SYNRG: variants seen among roughly 807,000 people sequenced by gnomAD.
SYNRG encodes AP1 gamma subunit binding protein 1.
SYNRG carries 37 observed loss-of-function variants against 130.9 expected under a neutral mutation model. That is an observed-to-expected ratio of 0.28 (90% CI 0.22 to 0.37). SYNRG has a LOEUF of 0.37. Among genes scored for constraint, SYNRG ranks in the 10% least tolerant of loss-of-function variants. The pLI is 1.00. For synonymous variants in SYNRG, 539 were observed against 568.1 expected, an observed-to-expected ratio of 0.95 and a Z score of 0.73; for missense variants, 1,338 against 1,588.9, an observed-to-expected ratio of 0.84 and a Z score of 2.68.
intron 7 of SYNRG, among the ~76,000 whole-genome samples, chr17:37,577,144 C>T (rs778861267): frequency 6.6e-6 from 1 of 151,982 alleles, no homozygotes; most frequent in African/African-American, 2.4e-5. Flanking sequence ...AGAAATGATT[C>T]CAATTAAGAA....
At chr17:37,560,490 C>T (rs1400694942) in intron 13 of SYNRG, among the ~76,000 whole-genome samples, 3 of 151,440 alleles carry the variant, frequency 2.0e-5, no homozygotes, top group East Asian at 1.9e-4. Context: ...GCATGTGCTA[C>T]CATGCCTGGC....
In SYNRG at chr17:37,569,512, G is replaced by A. The variant is rs934775540; in HGVS notation, c.1348-588C>T. ...CCATCTTTAAAAGATATATCTAGCC[G>A]GGTGTGGTGGCGGGCACCTGTAATC... On this transcript the variant is annotated intron_variant, in intron 10 of 21. Coordinates refer to ENST00000612223, the MANE Select transcript of SYNRG (RefSeq NM_007247.6). 7.3e-5 allele frequency among the ~76,000 whole-genome samples: 11 copies of A among 151,286 alleles called. No individual in the cohort carries two copies. In the East Asian group the frequency reaches 1.5e-3, roughly 21 times the overall value.
chr17:37,574,266 T>C (rs1344112846), intron 8 of SYNRG, among the ~76,000 whole-genome samples: 1 of 152,072 alleles, frequency 6.6e-6, no homozygotes, highest in East Asian at 1.9e-4. Context: ...GGAAATGAAT[T>C]AAAGATTTAA....
intron 14 of SYNRG, among the ~76,000 whole-genome samples, chr17:37,542,813 T>TA (rs2057894895): frequency 6.6e-6 from 1 of 152,114 alleles, no homozygotes; most frequent in Non-Finnish European, 1.5e-5. Context: ...TAAAAATTAC[T>TA]AAAAAAAGAT....
chr17:37,522,134 TACAC>T (rs60928738), intron 19 of SYNRG, among the ~76,000 whole-genome samples: 3 of 145,034 alleles, frequency 2.1e-5, no homozygotes, highest in South Asian at 2.2e-4. Context: ...TCTAATTCAC[TACAC>T]ACACACACAC....
chr17:37,597,735 T>C (rs1376454461), intron 2 of SYNRG, among the ~76,000 whole-genome samples: 2 of 152,256 alleles, frequency 1.3e-5, no homozygotes, highest in Non-Finnish European at 2.9e-5. Context: ...GGGATTTTAA[T>C]AAATACTAAA....
At chr17:37,588,558 C>A (rs1051767481) in intron 3 of SYNRG, among the ~76,000 whole-genome samples, 2 of 152,190 alleles carry the variant, frequency 1.3e-5, no homozygotes, top group African/African-American at 4.8e-5. Flanking sequence ...CCACCACGCC[C>A]AGCCAGCTTG....
chr17:37,600,932 A>T (rs1385418709), intron 1 of SYNRG: 1 of 166,138 alleles, frequency 6.0e-6, no homozygotes, highest in Non-Finnish European at 1.3e-5. Context: ...AGGAAAATAG[A>T]AGCACACTAT....
chr17:37,572,044 T>C, intron 8 of SYNRG, 57 bp from the exon 9 acceptor site: 2 of 1,449,304 alleles, frequency 1.4e-6, no homozygotes, highest in Non-Finnish European at 1.9e-6. Context: ...ATTTATTTTT[T>C]GGGATGCCAT....
rs1249624827 is a variant in SYNRG, at chr17:37,557,720, C to T, written c.1663+3475G>A. On this transcript the variant is annotated intron_variant, in intron 13 of 21. Coordinates refer to ENST00000612223, the MANE Select transcript of SYNRG (RefSeq NM_007247.6). ...ACAGCAAGACCCCACTGTGGTGATG[C>T]ACATCTACAGTACCAGCCACTTGGG... 2.6e-5 allele frequency among the ~76,000 whole-genome samples: 4 copies of T among 152,084 alleles called. No homozygotes were observed. The East Asian group carries it at 7.7e-4, about 29-fold the overall frequency.
In SYNRG at chr17:37,542,235, T is replaced by C. The variant is rs1476316669; in HGVS notation, c.2939A>G (p.Tyr980Cys). The change falls in exon 15 of 22, where the codon TAT becomes TGT. Residue 980 changes from tyrosine (Y) to cysteine (C), a missense_variant. Tyr to Cys is a radical substitution (Grantham distance 194, BLOSUM62 -2). Around this residue, in one of 3 missense-constraint regions of SYNRG, gnomAD observed 1,146 missense variants for 1,342.3 expected, o/e 0.85. Transcript: ENST00000612223. ...TIPQTSEQKE[Y>C]ENRDYKDFTK... Reference sequence around the variant, plus strand: ...GAAATCTTTATAGTCTCTGTTTTCATATTCCTTTTGCTCACTGGTCTGAGG... The same window carrying C: ...GAAATCTTTATAGTCTCTGTTTTCACATTCCTTTTGCTCACTGGTCTGAGG... The C allele has an allele frequency of 1.2e-6, 2 of 1,614,126 alleles. No homozygotes were observed. Among genetic ancestry groups the C allele is most frequent in the Non-Finnish European group, 1.7e-6 (2 of 1,180,058 alleles).
intron 11 of SYNRG, 48 bp from the exon 12 acceptor site, chr17:37,561,637 A>C: frequency 7.4e-7 from 1 of 1,359,616 alleles, no homozygotes; most frequent in South Asian, 1.2e-5. Flanking sequence ...TCCCTCCTTT[A>C]TCATCTAAAA....
At chr17:37,589,925 C>T (rs1325434756) in intron 3 of SYNRG, among the ~76,000 whole-genome samples, 1 of 151,820 alleles carries the variant, frequency 6.6e-6, no homozygotes, top group East Asian at 1.9e-4. Context: ...AATCCCAGCA[C>T]TTTGGGAGGC....
At position 37,542,365 on chromosome 17, in the gene SYNRG, C is replaced by T. The variant is rs1346919247; in HGVS notation, c.2809G>A (p.Glu937Lys). 1.9e-6 allele frequency: 3 copies of T among 1,614,162 alleles called. No homozygotes were observed. ...GAGAGAGATGTCATGGTGATGTTTT[C>T]AGAACTGCCAAATGAAGTCTCTTTC... ...QKKETSFGSS[E>K]NITMTSLSKV... Residue 937 changes from glutamate to lysine, a missense_variant, in exon 15 of 22, where the codon GAA becomes AAA. By Grantham distance (56) the Glu-to-Lys change is moderately conservative. This residue lies in a region of SYNRG where 1,146 missense variants were observed against 1,342.3 expected (regional missense o/e 0.85). Coordinates refer to ENST00000612223, the MANE Select transcript of SYNRG (RefSeq NM_007247.6).
In SYNRG at chr17:37,553,866, CAT is replaced by C; in HGVS notation, c.1855_1856del (p.Met619ValfsTer5). The C allele has an allele frequency of 2.5e-6, 4 of 1,612,146 alleles. No individual in the cohort carries two copies. Among genetic ancestry groups the C allele is most frequent in the Non-Finnish European group, 2.5e-6 (3 of 1,179,668 alleles). ...KNPLNLADLD[M>X]FSSVNCSSEK... The stretch of plus-strand genomic sequence containing the variant: ...CGCTGCTGCAATTAACTGAGGAAAA[CAT>C]ATCTAGGTCTGCTAAGTTCAGAGGG... On this transcript the variant is annotated frameshift_variant, in exon 14 of 22. Transcript: ENST00000612223. LOFTEE classifies it high-confidence loss of function.
chr17:37,573,499 A>T (rs1340727451), intron 8 of SYNRG, among the ~76,000 whole-genome samples: 1 of 152,234 alleles, frequency 6.6e-6, no homozygotes, highest in African/African-American at 2.4e-5. Flanking sequence ...AAAGTAAAGT[A>T]ATACAAACTG....
At chr17:37,583,128 T>A (rs2061458315) in intron 6 of SYNRG, among the ~76,000 whole-genome samples, 1 of 151,832 alleles carries the variant, frequency 6.6e-6, no homozygotes, top group South Asian at 2.1e-4. Context: ...GTGACTGAGA[T>A]TATAGGGACG....
chr17:37,535,408 C>T (rs919373112), intron 19 of SYNRG, among the ~76,000 whole-genome samples: 1 of 152,150 alleles, frequency 6.6e-6, no homozygotes. Context: ...ATTTGGAAAG[C>T]CTTCTAATAA....
intron 19 of SYNRG, 150 bp downstream of exon 19, chr17:37,535,828 AC>A: frequency 9.4e-7 from 1 of 1,069,120 alleles, no homozygotes; most frequent in Admixed American, 2.4e-5. Context: ...TGTTCAACTG[AC>A]CACACACCTG....
Sources: gnomAD v4.1 joint callset for allele counts (sites outside exome capture counted in the v4.1 genomes callset) on GRCh38, gnomAD v4.1.1 for gene constraint, gnomAD v4.1.1 regional missense constraint, MANE v1.5 for transcripts, NCBI Gene and HGNC (gene_info 2026-07-23, HGNC 2026-07-21) for gene names.